CBY2: variants seen among roughly 807,000 people sequenced by gnomAD.
The protein encoded by CBY2 is protein chibby homolog 2.
CBY2 carries 23 observed loss-of-function variants against 25.3 expected under a neutral mutation model. That is an observed-to-expected ratio of 0.91 (90% CI 0.65 to 1.29). CBY2 has a LOEUF of 1.29. Ranked by LOEUF, CBY2 falls within the 50% of genes most tolerant of loss-of-function variation. The pLI, the probability that CBY2 is intolerant of heterozygous loss-of-function variation, is 0.00. For synonymous variants in CBY2, 279 were observed against 260.2 expected (o/e 1.07, Z -0.70); for missense variants, 642 against 590.7 (o/e 1.09, Z -0.90).
intron 2 of CBY2, among the ~76,000 whole-genome samples, chr13:45,708,504 G>T (rs1399473937): frequency 6.6e-6 from 1 of 152,134 alleles, no homozygotes; most frequent in Non-Finnish European, 1.5e-5. Flanking sequence ...CTAATGTAGG[G>T]GAAAAATTGG....
intron 2 of CBY2, among the ~76,000 whole-genome samples, chr13:45,710,436 T>C (rs1188705315): frequency 6.6e-6 from 1 of 152,134 alleles, no homozygotes; most frequent in Non-Finnish European, 1.5e-5. Context: ...GGCAGGAGAA[T>C]TGCTTGAACC....
intron 2 of CBY2, among the ~76,000 whole-genome samples, chr13:45,706,787 A>G (rs1566069111): frequency 6.6e-6 from 1 of 152,154 alleles, no homozygotes; most frequent in Non-Finnish European, 1.5e-5. Flanking sequence ...CATGAAACCA[A>G]TCCAGTGATA....
rs749094898 is a variant in CBY2 at position 45,702,889 on chromosome 13, G to A, written c.156+34G>A. On this transcript the variant is annotated intron_variant, in intron 2 of 2. Transcript: ENST00000310521. The stretch of plus-strand genomic sequence containing the variant: ...AATCACAGAAGGATGTAACCTATCA[G>A]TGTTAGCCAGAATAACCCCCCATCT... The A allele has an allele frequency of 5.2e-6, 8 of 1,527,994 alleles. No homozygotes were observed. The South Asian group carries it at 9.0e-5, about 17-fold the overall frequency. The allele number at this position is 1,527,994 out of a possible 1,614,324, so 94.7% of individuals were successfully genotyped here.
chr13:45,706,483 C>T (rs1422275990), intron 2 of CBY2, among the ~76,000 whole-genome samples: 1 of 152,194 alleles, frequency 6.6e-6, no homozygotes, highest in Non-Finnish European at 1.5e-5. Flanking sequence ...TAGCACCCGA[C>T]AGGAAGGCAT....
At chr13:45,703,445 G>A in intron 2 of CBY2, 1 of 1,537,618 alleles carries the variant, frequency 6.5e-7, no homozygotes, top group East Asian at 2.5e-5. Context: ...TTCCTTAGTG[G>A]AGTCCTCTTG....
chr13:45,703,388 T>C, intron 2 of CBY2: 1 of 1,456,754 alleles, frequency 6.9e-7, no homozygotes, highest in Non-Finnish European at 9.0e-7. Flanking sequence ...GGTGAAGTCC[T>C]CACAGGCTAT....
chr13:45,709,937 A>C (rs1950260161), intron 2 of CBY2, among the ~76,000 whole-genome samples: 1 of 152,204 alleles, frequency 6.6e-6, no homozygotes, highest in Admixed American at 6.5e-5. Context: ...TGAAGGAGCT[A>C]GTGCTGGTTA....
intron 2 of CBY2, chr13:45,703,558 G>C (rs1182885092): frequency 2.5e-5 from 39 of 1,550,898 alleles, no homozygotes; most frequent in Non-Finnish European, 3.2e-5. Flanking sequence ...AACCAGAGGG[G>C]TTGAAATGTA....
At chr13:45,703,223 A>G in intron 2 of CBY2, 1 of 1,259,652 alleles carries the variant, frequency 7.9e-7, no homozygotes, top group Non-Finnish European at 1.0e-6. Context: ...GGGACTTGAA[A>G]TCAAATGCAT....
In CBY2 at chr13:45,714,494, G is replaced by A. The variant is rs918778386; in HGVS notation, c.*122G>A. Reference sequence around the variant, plus strand: ...CAGTTCGTACCTATTGAAAAGCAGCGTTAGCAGCCTTCCTAAACTCAGAGT... The same window carrying A: ...CAGTTCGTACCTATTGAAAAGCAGCATTAGCAGCCTTCCTAAACTCAGAGT... On this transcript the variant is annotated 3_prime_UTR_variant, in exon 3 of 3. Coordinates refer to ENST00000310521, the MANE Select transcript of CBY2 (RefSeq NM_152719.3). 8.4e-6 allele frequency: 7 copies of A among 834,800 alleles called. No individual in the cohort carries two copies. The highest frequency in any genetic ancestry group is 3.4e-5 in the African/African-American group (2 of 58,344). 51.7% of individuals were successfully genotyped at this position (834,800 alleles called of 1,614,324 possible).
Position 45,714,036 on chromosome 13 carries a change from C to T in CBY2, c.1011C>T (p.Pro337=). The change falls in exon 3 of 3, where the codon CCC becomes CCT. Residue 337 remains proline, a synonymous_variant. Transcript: ENST00000310521. ...LRKMVSNMSG[P]SGEEEAKVGP... ...AGATGGTCAGCAACATGTCCGGGCCCTCCGGGGAGGAGGAGGCCAAGGTGG... is the reference window on the plus strand; with the variant it reads ...AGATGGTCAGCAACATGTCCGGGCCTTCCGGGGAGGAGGAGGCCAAGGTGG... 6.7e-7 allele frequency: 1 copy of T among 1,493,730 alleles called. No homozygotes were observed. The highest frequency in any genetic ancestry group is 8.9e-7 in the Non-Finnish European group (1 of 1,120,956). The allele number at this position is 1,493,730 out of a possible 1,614,324, so 92.5% of individuals were successfully genotyped here.
intron 2 of CBY2, among the ~76,000 whole-genome samples, chr13:45,708,063 T>C (rs755207679): frequency 3.9e-4 from 60 of 152,186 alleles, no homozygotes; most frequent in Non-Finnish European, 1.5e-4. Flanking sequence ...CAACAAACCC[T>C]CTGAGAGAAG....
chr13:45,706,406 C>T (rs1481388393), intron 2 of CBY2, among the ~76,000 whole-genome samples: 1 of 152,216 alleles, frequency 6.6e-6, no homozygotes, highest in Non-Finnish European at 1.5e-5. Context: ...ATCCCTGTCA[C>T]TAATGCATCA....
In CBY2 at chr13:45,713,280, G is replaced by T. The variant is rs752724137; in HGVS notation, c.255G>T (p.Ala85=). Residue 85 remains alanine (A), a synonymous_variant, in exon 3 of 3, where the codon GCG becomes GCT. Coordinates refer to ENST00000310521, the MANE Select transcript of CBY2 (RefSeq NM_152719.3). The surrounding 1 kb of genome is among the most constrained non-coding windows in gnomAD (Gnocchi z 5.0). ...AALPRLSRRM[A]SQHSYPLNRF... ...TGCCCCGGCTGAGCCGCAGGATGGCGAGCCAGCACTCCTATCCACTGAACC... is the reference window on the plus strand; with the variant it reads ...TGCCCCGGCTGAGCCGCAGGATGGCTAGCCAGCACTCCTATCCACTGAACC... 1 of 1,613,930 alleles carries T rather than the reference G, an allele frequency of 6.2e-7. No homozygotes were observed. The highest frequency in any genetic ancestry group is 1.1e-5 in the South Asian group (1 of 91,086).
chr13:45,703,462 T>C lies in CBY2; in HGVS notation c.156+607T>C, dbSNP rs9805358. The C allele has an allele frequency of 0.01, 15,926 of 1,546,004 alleles. 1,303 individuals are homozygous for C. The African/African-American group carries it at 0.18, about 18-fold the overall frequency. On this transcript the variant is annotated intron_variant, in intron 2 of 2. Transcript: ENST00000310521. ...CCTTAGTGGAGTCCTCTTGATTGAA[T>C]TGTTTCTACTGCTGCTATGTCACAA...
At chr13:45,703,397 A>G (rs986234182) in intron 2 of CBY2, 22 of 1,475,360 alleles carry the variant, frequency 1.5e-5, no homozygotes, top group African/African-American at 9.9e-5. Flanking sequence ...CTCACAGGCT[A>G]TAGAGTCTCA....
intron 2 of CBY2, among the ~76,000 whole-genome samples, chr13:45,708,252 G>T (rs1267799805): frequency 1.3e-5 from 2 of 152,160 alleles, no homozygotes; most frequent in Admixed American, 1.3e-4. Flanking sequence ...ACTTTGTAAA[G>T]GTCATGCACT....
chr13:45,714,465 C>T lies in CBY2; in HGVS notation c.*93C>T. ...CTTCCTTTGTCGTCCTCGCCTTCCC[C>T]AGCCAGTTCGTACCTATTGAAAAGC... On this transcript the variant is annotated 3_prime_UTR_variant, in exon 3 of 3. Coordinates refer to ENST00000310521, the MANE Select transcript of CBY2 (RefSeq NM_152719.3). The T allele has an allele frequency of 8.6e-7, 1 of 1,165,826 alleles. No homozygotes were observed. The allele number at this position is 1,165,826 out of a possible 1,614,324, so 72.2% of individuals were successfully genotyped here. A position where few individuals can be genotyped will look rare whatever the true frequency, so the allele number is the denominator to read the frequency against.
chr13:45,707,811 A>G (rs1165464644), intron 2 of CBY2, among the ~76,000 whole-genome samples: 11 of 152,216 alleles, frequency 7.2e-5, no homozygotes. Flanking sequence ...CCACTCCTTT[A>G]TCAGCTATGT....
Sources: gnomAD v4.1 joint callset for allele counts (sites outside exome capture counted in the v4.1 genomes callset) on GRCh38, gnomAD v4.1.1 for gene constraint, Gnocchi (gnomAD v3.1) non-coding constraint, MANE v1.5 for transcripts, NCBI Gene and HGNC (gene_info 2026-07-23, HGNC 2026-07-21) for gene names.